TENM2: variants seen among roughly 807,000 people sequenced by gnomAD.
TENM2 encodes the protein teneurin-2.
TENM2 carries 52 observed loss-of-function variants against 245.2 expected under a neutral mutation model. That is an observed-to-expected ratio of 0.21 (90% confidence interval 0.17 to 0.27). The LOEUF (loss-of-function observed/expected upper bound fraction) is 0.27, where lower values mean the gene tolerates loss of function less well. TENM2 is among the 10% of genes least tolerant of loss of function. The pLI is 1.00. For synonymous variants in TENM2, 1,363 were observed against 1,438.9 expected, an observed-to-expected ratio of 0.95 and a Z score of 1.19; for missense variants, 3,046 against 3,666.8, an observed-to-expected ratio of 0.83 and a Z score of 4.37.
chr5:168,020,272 G>A (rs1008347832), intron 5 of TENM2, among the ~76,000 whole-genome samples: 3 of 152,098 alleles, frequency 2.0e-5, no homozygotes, highest in Non-Finnish European at 2.9e-5. Flanking sequence ...TTTAGAGTTC[G>A]CCCATTCTCC....
intron 1 of TENM2, among the ~76,000 whole-genome samples, chr5:167,337,393 A>C (rs2127804394): frequency 6.6e-6 from 1 of 152,314 alleles, no homozygotes; most frequent in Non-Finnish European, 1.5e-5. Context: ...CGTTCATTCA[A>C]GAAGTATATA....
intron 1 of TENM2, chr5:167,303,394 G>GT (rs1181217645): frequency 1.3e-5 from 2 of 152,162 alleles, no homozygotes; most frequent in Non-Finnish European, 2.9e-5. Flanking sequence ...GGGTGAGGCC[G>GT]TTTTATAAGA....
chr5:167,047,738 G>C, the TENM2 span, among the ~76,000 whole-genome samples: 1 of 152,112 alleles, frequency 6.6e-6, no homozygotes, highest in Non-Finnish European at 1.5e-5. Flanking sequence ...GGGTTTTCAG[G>C]CTGGTGACTG....
intron 15 of TENM2, among the ~76,000 whole-genome samples, chr5:168,197,449 C>T (rs1290989938): frequency 6.6e-6 from 1 of 152,098 alleles, no homozygotes; most frequent in Non-Finnish European, 1.5e-5. Flanking sequence ...ATCTGTAATC[C>T]CAGCACCTTG....
At chr5:167,628,751 C>G (rs1262770627) in intron 2 of TENM2, among the ~76,000 whole-genome samples, 1 of 152,192 alleles carries the variant, frequency 6.6e-6, no homozygotes, top group African/African-American at 2.4e-5. Context: ...CATTTGTAAG[C>G]ATAAGGTAAT....
At chr5:167,253,732 A>G in the TENM2 span, among the ~76,000 whole-genome samples, 1 of 152,068 alleles carries the variant, frequency 6.6e-6, no homozygotes. Flanking sequence ...AAATTCTGTG[A>G]TCGTGCAGTA....
chr5:167,142,741 G>T, the TENM2 span, among the ~76,000 whole-genome samples: 1 of 152,018 alleles, frequency 6.6e-6, no homozygotes, highest in Non-Finnish European at 1.5e-5. Flanking sequence ...TAGTAGAGAC[G>T]GGGTTTCACC....
chr5:166,992,462 CT>C, the TENM2 span, among the ~76,000 whole-genome samples: 1 of 152,046 alleles, frequency 6.6e-6, no homozygotes, highest in Non-Finnish European at 1.5e-5. Context: ...GCCTTTAGAT[CT>C]TTTGGGGAGT....
chr5:167,663,031 A>T (rs1755317798), intron 2 of TENM2, among the ~76,000 whole-genome samples: 1 of 152,108 alleles, frequency 6.6e-6, no homozygotes, highest in African/African-American at 2.4e-5. Flanking sequence ...TGGATAAATT[A>T]TATCTTATCT....
chr5:167,279,831 T>C (rs909146030), upstream of TENM2, among the ~76,000 whole-genome samples: 2 of 152,178 alleles, frequency 1.3e-5, no homozygotes, highest in Admixed American at 6.5e-5. Context: ...AATTGTCCAT[T>C]GAAGCAATTT....
intron 2 of TENM2, among the ~76,000 whole-genome samples, chr5:167,647,412 C>T (rs976983945): frequency 2.0e-5 from 3 of 151,968 alleles, no homozygotes; most frequent in Non-Finnish European, 4.4e-5. Context: ...CACCTGAGGT[C>T]GGGAGTTCGA....
chr5:168,114,970 G>A (rs952416116), intron 9 of TENM2, among the ~76,000 whole-genome samples: 2 of 152,100 alleles, frequency 1.3e-5, no homozygotes, highest in Middle Eastern at 3.4e-3. Context: ...TGAAGTTTAT[G>A]CAGAAGAGGA....
chr5:167,298,270 A>C (rs1581689294), intron 1 of TENM2, among the ~76,000 whole-genome samples: 1 of 152,148 alleles, frequency 6.6e-6, no homozygotes, highest in East Asian at 1.9e-4. Flanking sequence ...GTCATTTAGA[A>C]TTATTGGTGA....
At chr5:168,263,293 TC>T (rs1768374768), downstream of TENM2, 1 of 155,334 alleles carries the variant, frequency 6.4e-6, no homozygotes, top group African/African-American at 2.4e-5. Flanking sequence ...CACGCAGACA[TC>T]CGCGAGGGCC....
intron 6 of TENM2, among the ~76,000 whole-genome samples, chr5:168,051,752 C>T (rs1489035371): frequency 6.6e-6 from 1 of 152,212 alleles, no homozygotes; most frequent in Non-Finnish European, 1.5e-5. Flanking sequence ...CTCCCAACCT[C>T]CAGTTCCTCA....
chr5:167,583,005 A>G (rs1775201625), intron 2 of TENM2, among the ~76,000 whole-genome samples: 1 of 152,234 alleles, frequency 6.6e-6, no homozygotes, highest in African/African-American at 2.4e-5. Flanking sequence ...TTGACAGTCC[A>G]GCACTTGCTG....
intron 20 of TENM2, among the ~76,000 whole-genome samples, chr5:168,213,855 A>AG (rs918409949): frequency 1.3e-5 from 2 of 152,178 alleles, no homozygotes; most frequent in African/African-American, 4.8e-5. Flanking sequence ...GGGAAAATAA[A>AG]GGGGGCCTGT....
intron 2 of TENM2, among the ~76,000 whole-genome samples, chr5:167,405,036 A>G (rs754191628): frequency 1.6e-4 from 24 of 152,104 alleles, no homozygotes; most frequent in Non-Finnish European, 3.1e-4. Context: ...GAATCATGCA[A>G]TATGTAGTAT....
chr5:168,236,953 T>C (rs1765485619), intron 25 of TENM2, among the ~76,000 whole-genome samples: 2 of 3,010 alleles, frequency 6.6e-4, no homozygotes, highest in Non-Finnish European at 1.0e-3. Context: ...TATATATATA[T>C]ATATATATAT....
Sources: allele counts gnomAD v4.1 joint callset (sites outside exome capture counted in the v4.1 genomes callset), GRCh38; gene constraint gnomAD v4.1.1; transcripts MANE v1.5; gene names NCBI Gene and HGNC (gene_info 2026-07-23, HGNC 2026-07-21).